Variants in KSR2 observed in about 807,000 individuals in gnomAD.
The protein encoded by KSR2 is kinase suppressor of ras 2.
Under a neutral mutation model 107.8 loss-of-function variants are expected in KSR2, and 25 were observed. That is an observed-to-expected ratio of 0.23 (90% CI 0.17 to 0.32). The LOEUF (loss-of-function observed/expected upper bound fraction) is 0.32. Among genes scored for constraint, KSR2 ranks in the 10% least tolerant of loss-of-function variants. The pLI is 1.00. For synonymous variants in KSR2, 480 were observed against 507.0 expected (o/e 0.95, Z 0.71); for missense variants, 887 against 1,268.9 (o/e 0.70, Z 4.57).
intron 5 of KSR2, among the ~76,000 whole-genome samples, chr12:117,639,143 T>C (rs1000737165): frequency 1.3e-5 from 2 of 152,176 alleles, no homozygotes; most frequent in African/African-American, 4.8e-5. Flanking sequence ...TCTTGATATC[T>C]GAGCTTTGGG....
At chr12:117,931,759 G>A (rs1187836307) in intron 1 of KSR2, among the ~76,000 whole-genome samples, 17 of 152,196 alleles carry the variant, frequency 1.1e-4, no homozygotes, top group African/African-American at 4.8e-5. Flanking sequence ...CCAAACCCAG[G>A]TTATTCTAGA....
At chr12:117,672,031 C>T (rs559079511) in intron 4 of KSR2, among the ~76,000 whole-genome samples, 14 of 152,316 alleles carry the variant, frequency 9.2e-5, no homozygotes, top group African/African-American at 2.4e-4. Flanking sequence ...CCTGGAACGC[C>T]AACTCTGCTT....
chr12:117,757,247 C>T (rs760427542), intron 4 of KSR2, among the ~76,000 whole-genome samples: 7 of 152,088 alleles, frequency 4.6e-5, no homozygotes, highest in South Asian at 4.2e-4. Context: ...GCGGTGGAAA[C>T]AGCAAGAGAA....
At chr12:117,491,596 C>T (rs73210111) in intron 14 of KSR2, among the ~76,000 whole-genome samples, 6,338 of 152,186 alleles carry the variant, frequency 0.042, 199 homozygotes, top group Admixed American at 0.086. Context: ...AATACTCCGC[C>T]GCATTTATAT....
chr12:117,581,249 G>A (rs141715615), intron 6 of KSR2, among the ~76,000 whole-genome samples: 6 of 152,186 alleles, frequency 3.9e-5, no homozygotes, highest in Non-Finnish European at 8.8e-5. Flanking sequence ...ATCTGCCCCT[G>A]ATATCACCCC....
intron 5 of KSR2, among the ~76,000 whole-genome samples, chr12:117,643,700 C>T (rs1481379186): frequency 6.6e-6 from 1 of 152,136 alleles, no homozygotes; most frequent in South Asian, 2.1e-4. Context: ...TATCCTAATT[C>T]CATGAGTGCT....
At chr12:117,629,997 G>A (rs1203122604) in intron 5 of KSR2, among the ~76,000 whole-genome samples, 1 of 152,170 alleles carries the variant, frequency 6.6e-6, no homozygotes, top group Non-Finnish European at 1.5e-5. Context: ...CTGCTTTGTT[G>A]TTCAGCCTGC....
At chr12:117,938,433 C>T (rs1460320193) in intron 1 of KSR2, among the ~76,000 whole-genome samples, 4 of 151,956 alleles carry the variant, frequency 2.6e-5, no homozygotes, top group Non-Finnish European at 5.9e-5. Context: ...GTGGGAGGAT[C>T]GCTTGAGTCC....
Position 117,830,464 on chromosome 12 carries a change from A to G in KSR2, c.472+24964T>C, listed in dbSNP as rs151248568. Among the ~76,000 whole-genome samples the G allele has an allele frequency of 1.5e-4, 23 of 152,212 alleles. No homozygotes were observed. In the East Asian group the frequency reaches 4.1e-3, roughly 27 times the overall value. On this transcript the variant is annotated intron_variant, in intron 3 of 19. Coordinates refer to ENST00000339824, the MANE Select transcript of KSR2 (RefSeq NM_173598.6). ...AACCTCAGTGTCATACAATATACCA[A>G]TGTAACAAACCTGCACATGTACCCT...
At chr12:117,546,004 C>A (rs931227943) in intron 9 of KSR2, among the ~76,000 whole-genome samples, 1 of 152,140 alleles carries the variant, frequency 6.6e-6, no homozygotes, top group Non-Finnish European at 1.5e-5. Context: ...AACTCTCAAG[C>A]ATAATTTGGA....
chr12:117,900,613 T>C (rs1397969717), intron 1 of KSR2, among the ~76,000 whole-genome samples: 2 of 152,200 alleles, frequency 1.3e-5, no homozygotes, highest in African/African-American at 4.8e-5. Context: ...TTACTATTAA[T>C]TGGGTTTCCA....
chr12:117,546,659 C>G (rs1030231926), intron 9 of KSR2, among the ~76,000 whole-genome samples: 9 of 152,142 alleles, frequency 5.9e-5, no homozygotes, highest in Non-Finnish European at 8.8e-5. Flanking sequence ...TCTGCTCAGG[C>G]CATTTTCTCT....
At chr12:117,913,961 C>T (rs1895100828) in intron 1 of KSR2, among the ~76,000 whole-genome samples, 1 of 152,186 alleles carries the variant, frequency 6.6e-6, no homozygotes, top group African/African-American at 2.4e-5. Context: ...TCTTCTCTGT[C>T]CGTCCCTTCA....
intron 1 of KSR2, among the ~76,000 whole-genome samples, chr12:117,932,013 A>G (rs114404875): frequency 0.038 from 5,763 of 152,304 alleles, 185 homozygotes; most frequent in Middle Eastern, 0.12. Flanking sequence ...CTGGCCAGGT[A>G]CGGTGGCTCA....
chr12:117,906,353 C>CA (rs57733205), intron 1 of KSR2, among the ~76,000 whole-genome samples: 14,615 of 57,798 alleles, frequency 0.25, 1,827 homozygotes, highest in East Asian at 0.43. Flanking sequence ...AACTCTGTCT[C>CA]AAAAAAAAAA....
At chr12:117,779,468 A>C (rs1889804832) in intron 3 of KSR2, among the ~76,000 whole-genome samples, 1 of 152,202 alleles carries the variant, frequency 6.6e-6, no homozygotes, top group South Asian at 2.1e-4. Flanking sequence ...TCTTAGGGTG[A>C]ACATGAAAAA....
Position 117,638,693 on chromosome 12 carries a change from G to C in KSR2, c.1171+28781C>G, listed in dbSNP as rs536086493. On this transcript the variant is annotated intron_variant, in intron 5 of 19. Coordinates refer to ENST00000339824, the MANE Select transcript of KSR2 (RefSeq NM_173598.6). ...ATGCTATCTCTGTGAGGAAAGGAAG[G>C]GGAAGGTAATCAGGAAATGCACATC... Among the ~76,000 whole-genome samples the C allele has an allele frequency of 2.0e-5, 3 of 152,214 alleles. No homozygotes were observed. In the South Asian group the frequency reaches 6.2e-4, roughly 32 times the overall value.
At chr12:117,482,203 G>A (rs1191300027) in intron 16 of KSR2, among the ~76,000 whole-genome samples, 2 of 151,902 alleles carry the variant, frequency 1.3e-5, no homozygotes, top group Non-Finnish European at 2.9e-5. Context: ...GCAGGGAGAT[G>A]AGAGAGACCC....
chr12:117,604,291 C>A (rs921382506), intron 5 of KSR2, among the ~76,000 whole-genome samples: 12 of 152,192 alleles, frequency 7.9e-5, no homozygotes, highest in Admixed American at 6.5e-4. Context: ...GGAGGCTACA[C>A]TTCCCAGCAT....
Sources: gnomAD v4.1 joint callset for allele counts (sites outside exome capture counted in the v4.1 genomes callset) on GRCh38, gnomAD v4.1.1 for gene constraint, MANE v1.5 for transcripts, NCBI Gene and HGNC (gene_info 2026-07-23, HGNC 2026-07-21) for gene names.